Variants in PATJ observed in about 807,000 individuals in gnomAD.
PATJ encodes inaD-like protein.
A neutral mutation model predicts 224.9 loss-of-function variants in PATJ; 190 were observed. The ratio of observed to expected loss-of-function variants is 0.84; its 90% CI spans 0.75 to 0.95. The LOEUF is 0.95. Ranked by LOEUF, PATJ falls within the 40% of genes least tolerant of loss-of-function variation. The pLI, the probability that PATJ is intolerant of heterozygous loss-of-function variation, is 0.00. For synonymous variants in PATJ, 769 were observed against 820.3 expected (o/e 0.94, Z 1.07); for missense variants, 2,121 against 2,270.3 (o/e 0.93, Z 1.34).
chr1:62,160,898 T>C lies in PATJ; in HGVS notation c.5503-10T>C, dbSNP rs771754508. On this transcript the variant is annotated splice_polypyrimidine_tract_variant and intron_variant, in intron 43 of 43. Coordinates refer to ENST00000642238, the MANE Select transcript of PATJ (RefSeq NM_001350145.3). ...ACCCTGGATTAAACTGAAATGTTTC[T>C]TGTTTGTAGGGAGCAGCTGCAGATG... is the stretch of plus-strand genomic sequence containing the variant. The C allele has an allele frequency of 1.2e-6, 2 of 1,613,532 alleles. No homozygotes were observed. The highest frequency in any genetic ancestry group is 2.2e-5 in the South Asian group (2 of 91,004).
chr1:61,986,501 A>G (rs12746718), intron 27 of PATJ, among the ~76,000 whole-genome samples: 39,605 of 151,846 alleles, frequency 0.26, 5,511 homozygotes, highest in East Asian at 0.45. Flanking sequence ...GCTCATTGTA[A>G]CCTTGAACTC....
chr1:62,118,900 TG>T (rs998923314), intron 37 of PATJ, among the ~76,000 whole-genome samples: 1 of 151,968 alleles, frequency 6.6e-6, no homozygotes, highest in Non-Finnish European at 1.5e-5. Flanking sequence ...CCAAAGTGCC[TG>T]GATGACAGGT....
chr1:62,056,601 C>G (rs1035709050), intron 31 of PATJ, among the ~76,000 whole-genome samples: 5 of 151,960 alleles, frequency 3.3e-5, no homozygotes, highest in Admixed American at 6.6e-5. Context: ...GCCAACATGG[C>G]GAAACCCCGT....
chr1:61,744,469 A>G (rs1173800009), intron 1 of PATJ, among the ~76,000 whole-genome samples: 1 of 152,104 alleles, frequency 6.6e-6, no homozygotes, highest in East Asian at 1.9e-4. Flanking sequence ...GGTTTGACAA[A>G]AAGTGATTTT....
intron 41 of PATJ, among the ~76,000 whole-genome samples, chr1:62,138,162 A>C (rs1022882454): frequency 2.0e-5 from 3 of 152,198 alleles, no homozygotes; most frequent in Non-Finnish European, 4.4e-5. Context: ...TTAAGTAAAC[A>C]CAACCATTTG....
intron 31 of PATJ, among the ~76,000 whole-genome samples, chr1:62,058,065 C>A (rs568091447): frequency 6.6e-6 from 1 of 152,262 alleles, no homozygotes; most frequent in Non-Finnish European, 1.5e-5. Context: ...TTACTGTTGT[C>A]TTTCATTGTG....
At chr1:62,024,640 C>G (rs1647439440) in intron 29 of PATJ, among the ~76,000 whole-genome samples, 1 of 144,466 alleles carries the variant, frequency 6.9e-6, no homozygotes, top group African/African-American at 2.6e-5. Context: ...TGGGTAGACC[C>G]CCACTTCCCA....
chr1:62,017,985 C>T (rs7528797), intron 29 of PATJ, 38 bp downstream of exon 29: 137,550 of 1,098,802 alleles, frequency 0.13, 10,568 homozygotes, highest in Admixed American at 0.23. Flanking sequence ...AATCAAAGAC[C>T]TCTTCTGAAG....
At chr1:62,003,463 T>C (rs929567781) in intron 28 of PATJ, among the ~76,000 whole-genome samples, 1 of 152,200 alleles carries the variant, frequency 6.6e-6, no homozygotes, top group Non-Finnish European at 1.5e-5. Context: ...AAATCTCTCA[T>C]CTTTAAGCCT....
chr1:62,056,524 T>G (rs1654568982), intron 31 of PATJ, among the ~76,000 whole-genome samples: 2 of 151,482 alleles, frequency 1.3e-5, no homozygotes, highest in South Asian at 4.2e-4. Context: ...TAAGACCTTA[T>G]CTCAAAAAAA....
At chr1:62,145,311 C>CA (rs1233898094) in intron 41 of PATJ, among the ~76,000 whole-genome samples, 1 of 152,126 alleles carries the variant, frequency 6.6e-6, no homozygotes, top group Non-Finnish European at 1.5e-5. Context: ...AAGTGATAGA[C>CA]AATAAATAAG....
chr1:61,853,265 T>C (rs1377865701), intron 17 of PATJ, among the ~76,000 whole-genome samples: 2 of 152,170 alleles, frequency 1.3e-5, no homozygotes, highest in African/African-American at 4.8e-5. Context: ...TGGTGAATCG[T>C]CCTTTAGAAT....
intron 29 of PATJ, among the ~76,000 whole-genome samples, chr1:62,029,884 A>G (rs898200350): frequency 1.3e-5 from 2 of 152,220 alleles, no homozygotes; most frequent in Admixed American, 1.3e-4. Flanking sequence ...CAGCAACTAC[A>G]AAGACATGCA....
intron 17 of PATJ, among the ~76,000 whole-genome samples, chr1:61,849,066 G>A (rs557872698): frequency 6.6e-5 from 10 of 152,352 alleles, no homozygotes; most frequent in African/African-American, 2.4e-4. Context: ...GAATGAAGCT[G>A]AAAGCCTAGT....
At chr1:61,833,462 A>G (rs1366442741) in intron 16 of PATJ, 192 bp from the exon 17 acceptor site, 1 of 433,884 alleles carries the variant, frequency 2.3e-6, no homozygotes, top group Non-Finnish European at 4.0e-6. Flanking sequence ...AAGCACTTGA[A>G]TTTTTATAAG....
intron 31 of PATJ, among the ~76,000 whole-genome samples, chr1:62,055,262 C>A (rs1429298772): frequency 6.6e-6 from 1 of 152,086 alleles, no homozygotes; most frequent in Non-Finnish European, 1.5e-5. Context: ...CTCATGATGT[C>A]CTGGTAGCTT....
intron 29 of PATJ, among the ~76,000 whole-genome samples, chr1:62,027,218 C>A (rs1476461010): frequency 6.6e-6 from 1 of 152,218 alleles, no homozygotes; most frequent in Non-Finnish European, 1.5e-5. Flanking sequence ...TGGACTCATG[C>A]AGTATTTGTC....
At chr1:62,144,796 A>AT (rs1204098847) in intron 41 of PATJ, among the ~76,000 whole-genome samples, 4 of 145,080 alleles carry the variant, frequency 2.8e-5, no homozygotes, top group Admixed American at 7.0e-5. Flanking sequence ...ATATATATAT[A>AT]ATTAGCAGAA....
At chr1:62,011,779 G>C (rs915223782) in intron 28 of PATJ, among the ~76,000 whole-genome samples, 1 of 151,860 alleles carries the variant, frequency 6.6e-6, no homozygotes, top group Non-Finnish European at 1.5e-5. Flanking sequence ...TGTCATAAGG[G>C]TATGTTATTG....
Sources: gnomAD v4.1 joint callset for allele counts (sites outside exome capture counted in the v4.1 genomes callset) on GRCh38, gnomAD v4.1.1 for gene constraint, MANE v1.5 for transcripts, NCBI Gene and HGNC (gene_info 2026-07-23, HGNC 2026-07-21) for gene names.